Variants in TXNL1 observed in about 807,000 individuals in gnomAD.
TXNL1 encodes thioredoxin like 1, also known as thioredoxin-like protein 1.
A neutral mutation model predicts 35.5 loss-of-function variants in TXNL1; 14 were observed. That is an observed-to-expected ratio of 0.39 (90% CI 0.26 to 0.62). The LOEUF is 0.62. Among genes scored for constraint, TXNL1 ranks in the 20% least tolerant of loss-of-function variants. The pLI is 0.47. For missense variants in TXNL1, 263 were observed against 349.7 expected, an observed-to-expected ratio of 0.75 and a Z score of 1.98; for synonymous variants, 110 against 115.5, an observed-to-expected ratio of 0.95 and a Z score of 0.31.
rs1446199838 is a variant in TXNL1 at position 56,601,096 on chromosome 18, A to G, written c.*1931T>C. 1 of 126,578 alleles carries G rather than the reference A, an allele frequency of 7.9e-6. No homozygotes were observed. Among genetic ancestry groups the G allele is most frequent in the African/African-American group, 2.9e-5 (1 of 35,050 alleles). The allele number at this position is 126,578 out of a possible 1,614,324, so 7.8% of individuals were successfully genotyped here. On this transcript the variant is annotated 3_prime_UTR_variant, in exon 8 of 8. Transcript: ENST00000217515. ...TCATCTGGAAAATTCAGTGTTATAT[A>G]TAAATGTTACATATACATATGTGTG...
chr18:56,617,370 AAG>A (rs2024105704), intron 4 of TXNL1, among the ~76,000 whole-genome samples: 1 of 152,234 alleles, frequency 6.6e-6, no homozygotes, highest in Non-Finnish European at 1.5e-5. Context: ...AAAGCCAGTG[AAG>A]AGTCATTTTA....
chr18:56,617,752 T>C (rs1196447768), intron 4 of TXNL1, among the ~76,000 whole-genome samples: 1 of 152,164 alleles, frequency 6.6e-6, no homozygotes, highest in Non-Finnish European at 1.5e-5. Context: ...TGGTAAGAGC[T>C]CAATTCTGCA....
At chr18:56,632,863 T>G (rs532747595) in intron 1 of TXNL1, among the ~76,000 whole-genome samples, 40 of 152,342 alleles carry the variant, frequency 2.6e-4, no homozygotes, top group African/African-American at 9.1e-4. Flanking sequence ...GTCTTACAGC[T>G]ACTTGCTAAC....
intron 3 of TXNL1, among the ~76,000 whole-genome samples, chr18:56,618,769 AC>A (rs769965601): frequency 1.2e-4 from 18 of 152,242 alleles, no homozygotes; most frequent in South Asian, 1.0e-3. Flanking sequence ...TTAAAAAAAA[AC>A]ATTCTCAATA....
At chr18:56,625,611 C>T (rs2144321606) in intron 2 of TXNL1, among the ~76,000 whole-genome samples, 1 of 152,240 alleles carries the variant, frequency 6.6e-6, no homozygotes, top group South Asian at 2.1e-4. Flanking sequence ...AGTGCAATAA[C>T]ATGCAACTAA....
rs1174531338 is a variant in TXNL1, at chr18:56,600,787, G to A, written c.*2240C>T. ...CAGAAGGATTATAAAAGCCTGTCGT[G>A]GGCACAAGAATGTGGTACCTTGTGC... On this transcript the variant is annotated 3_prime_UTR_variant, in exon 8 of 8. Transcript: ENST00000217515. 2 of 152,204 alleles carry A rather than the reference G, an allele frequency of 1.3e-5. No individual in the cohort carries two copies. The highest frequency in any genetic ancestry group is 2.9e-5 in the Non-Finnish European group (2 of 68,060). 9.4% of individuals were successfully genotyped at this position (152,204 alleles called of 1,614,324 possible). A position where few individuals can be genotyped will look rare whatever the true frequency, so the allele number is the denominator to read the frequency against.
Position 56,614,423 on chromosome 18 carries a change from C to A in TXNL1, c.735+1G>T. The A allele has an allele frequency of 6.2e-7, 1 of 1,612,350 alleles. No individual in the cohort carries two copies. Among genetic ancestry groups the A allele is most frequent in the Non-Finnish European group, 8.5e-7 (1 of 1,179,184 alleles). Reference sequence around the variant, plus strand: ...ATACATATGAACGAAATACTACTTACAGTTACACTGTTAACATTCTGAAAC... The same window carrying A: ...ATACATATGAACGAAATACTACTTAAAGTTACACTGTTAACATTCTGAAAC... On this transcript the variant is annotated splice_donor_variant, in intron 6 of 7. Coordinates refer to ENST00000217515, the MANE Select transcript of TXNL1 (RefSeq NM_004786.3). LOFTEE classifies it high-confidence loss of function.
intron 3 of TXNL1, among the ~76,000 whole-genome samples, chr18:56,620,892 T>C (rs780217895): frequency 6.6e-6 from 1 of 152,230 alleles, no homozygotes; most frequent in Admixed American, 6.5e-5. Flanking sequence ...GTAAATGTAT[T>C]ACTCAGGGTA....
chr18:56,612,280 A>G (rs1013691869), intron 6 of TXNL1, among the ~76,000 whole-genome samples: 1 of 152,058 alleles, frequency 6.6e-6, no homozygotes, highest in Non-Finnish European at 1.5e-5. Flanking sequence ...GAAAATCTCT[A>G]AAGTGATATT....
chr18:56,611,068 C>T lies in TXNL1; in HGVS notation c.765G>A (p.Glu255=). The change falls in exon 7 of 8, where the codon GAG becomes GAA. Residue 255 remains glutamate (E), a synonymous_variant. Coordinates refer to ENST00000217515, the MANE Select transcript of TXNL1 (RefSeq NM_004786.3). ...TAAAATATGAAATTCTTGTTGTTTC[C>T]TCTTCACCTTGATTCGACTGAACAA... ...TIFVQSNQGE[E]ETTRISYFTF... is the part of the protein sequence containing the mutation. 1 of 1,605,986 alleles carries T rather than the reference C, an allele frequency of 6.2e-7. No homozygotes were observed. The highest frequency in any genetic ancestry group is 1.7e-5 in the Admixed American group (1 of 58,396).
At chr18:56,613,084 C>T (rs2024024288) in intron 6 of TXNL1, among the ~76,000 whole-genome samples, 1 of 152,088 alleles carries the variant, frequency 6.6e-6, no homozygotes, top group Non-Finnish European at 1.5e-5. Flanking sequence ...GAGCAATCTG[C>T]CCATCTTGGC....
chr18:56,612,783 T>G (rs528720365), intron 6 of TXNL1, among the ~76,000 whole-genome samples: 1 of 152,254 alleles, frequency 6.6e-6, no homozygotes, highest in Admixed American at 6.5e-5. Flanking sequence ...AAGAAAATAT[T>G]TGATAATGAG....
At chr18:56,625,009 C>T (rs2024252882) in intron 2 of TXNL1, among the ~76,000 whole-genome samples, 2 of 152,154 alleles carry the variant, frequency 1.3e-5, no homozygotes, top group Non-Finnish European at 1.5e-5. Flanking sequence ...TCTGTCCTAG[C>T]TCCACAATTG....
At chr18:56,611,276 G>C (rs1022744366) in intron 6 of TXNL1, among the ~76,000 whole-genome samples, 179 bp from the exon 7 acceptor site, 8 of 152,074 alleles carry the variant, frequency 5.3e-5, no homozygotes, top group Non-Finnish European at 1.2e-4. Flanking sequence ...GAGGTGGGCA[G>C]ATCACCTGAG....
chr18:56,615,495 C>A (rs1416803817), intron 5 of TXNL1, among the ~76,000 whole-genome samples: 3 of 148,216 alleles, frequency 2.0e-5, no homozygotes, highest in Admixed American at 6.7e-5. Context: ...AAGGAAAATT[C>A]TTTATTTTAC....
intron 4 of TXNL1, among the ~76,000 whole-genome samples, chr18:56,617,225 A>G (rs1277331065): frequency 1.3e-5 from 2 of 152,192 alleles, no homozygotes; most frequent in Admixed American, 1.3e-4. Flanking sequence ...TCCTTTAGTT[A>G]CACCAATACT....
At chr18:56,609,673 G>A (rs2023958770) in intron 7 of TXNL1, 1 of 152,126 alleles carries the variant, frequency 6.6e-6, no homozygotes, top group Non-Finnish European at 1.5e-5. Context: ...AAGTCCAATG[G>A]CATCTAATTC....
intron 1 of TXNL1, among the ~76,000 whole-genome samples, chr18:56,637,056 C>T (rs1434193170): frequency 1.3e-5 from 2 of 152,058 alleles, no homozygotes; most frequent in African/African-American, 4.8e-5. Flanking sequence ...TGCAAAATTC[C>T]GTATATCATA....
intron 5 of TXNL1, among the ~76,000 whole-genome samples, chr18:56,615,192 C>T (rs191150979): frequency 9.9e-4 from 151 of 152,042 alleles, no homozygotes; most frequent in African/African-American, 2.3e-3. Flanking sequence ...CTTCAAGGCA[C>T]GATTTAAGAC....
Sources: gnomAD v4.1 joint callset for allele counts (sites outside exome capture counted in the v4.1 genomes callset) on GRCh38, gnomAD v4.1.1 for gene constraint, MANE v1.5 for transcripts, NCBI Gene and HGNC (gene_info 2026-07-23, HGNC 2026-07-21) for gene names.